MIB1: variants seen among roughly 807,000 people sequenced by gnomAD.
MIB1 encodes MIB E3 ubiquitin protein ligase 1.
MIB1 carries 278 observed loss-of-function variants against 124.5 expected under a neutral mutation model. That is an observed-to-expected ratio of 2.23 (90% confidence interval 2.02 to 2.47). The LOEUF (loss-of-function observed/expected upper bound fraction) is 2.47, where lower values mean the gene tolerates loss of function less well. MIB1 is among the 30% of genes most tolerant of loss of function. The probability of loss-of-function intolerance (pLI) is 0.00; values close to 1 mark genes in which losing one functional copy is unlikely to be tolerated. For synonymous variants in MIB1, 446 were observed against 429.4 expected, an observed-to-expected ratio of 1.04 and a Z score of -0.48; for missense variants, 957 against 1,254.4, an observed-to-expected ratio of 0.76 and a Z score of 3.58.
intron 18 of MIB1, among the ~76,000 whole-genome samples, chr18:21,856,236 C>CAAAAAA (rs5823315): frequency 5.7e-5 from 7 of 123,012 alleles, no homozygotes; most frequent in African/African-American, 1.9e-4. Flanking sequence ...GACTCCGTCT[C>CAAAAAA]AAAAAAAAAA....
At chr18:21,784,417 C>T (rs187667726) in intron 6 of MIB1, among the ~76,000 whole-genome samples, 322 of 152,240 alleles carry the variant, frequency 2.1e-3, no homozygotes, top group African/African-American at 7.4e-3. Context: ...TTACAAAAAA[C>T]ATCTTATATG....
chr18:21,791,561 A>G lies in MIB1; in HGVS notation c.1092+4A>G. On this transcript the variant is annotated splice_donor_region_variant and intron_variant, in intron 7 of 20. Coordinates refer to ENST00000261537, the MANE Select transcript of MIB1 (RefSeq NM_020774.4). ...ATGGGCTGAAGCGATGCTTCCAGTA[A>G]GTATGTTTAGAATAATTCTGGGCTA... 1.2e-6 allele frequency: 2 copies of G among 1,606,206 alleles called. No homozygotes were observed. The highest frequency in any genetic ancestry group is 1.7e-6 in the Non-Finnish European group (2 of 1,173,968).
At chr18:21,783,157 T>A (rs891251147) in intron 6 of MIB1, among the ~76,000 whole-genome samples, 2 of 152,056 alleles carry the variant, frequency 1.3e-5, no homozygotes, top group African/African-American at 4.8e-5. Flanking sequence ...TCTGCATGTG[T>A]CTTTATAGGT....
At chr18:21,738,790 A>G (rs202082229), upstream of MIB1, among the ~76,000 whole-genome samples, 5 of 100,174 alleles carry the variant, frequency 5.0e-5, no homozygotes, top group Non-Finnish European at 7.4e-5. Flanking sequence ...CTGGGCCACA[A>G]AGTGAGACTC....
At chr18:21,856,162 G>A (rs1384154703) in intron 18 of MIB1, among the ~76,000 whole-genome samples, 2 of 150,514 alleles carry the variant, frequency 1.3e-5, no homozygotes, top group East Asian at 2.0e-4. Context: ...CCCGGGAAGC[G>A]GAGCTTGCAG....
chr18:21,858,343 A>G (rs1159785715), intron 19 of MIB1, among the ~76,000 whole-genome samples: 1 of 152,198 alleles, frequency 6.6e-6, no homozygotes, highest in Non-Finnish European at 1.5e-5. Flanking sequence ...TTAATGTGCA[A>G]ACTGTTTCTT....
At chr18:21,818,642 A>C (rs2041851598) in intron 11 of MIB1, among the ~76,000 whole-genome samples, 1 of 152,026 alleles carries the variant, frequency 6.6e-6, no homozygotes, top group African/African-American at 2.4e-5. Flanking sequence ...CCATCTCTAC[A>C]AAAAAAGAAC....
rs576374050 is a variant in MIB1 at position 21,779,866 on chromosome 18, G to C, written c.908+181G>C. ...GAAACAAATGATAAGAATTACGTGT[G>C]TGTGTGTGTGTGTGTGTGTGTGTGT... On this transcript the variant is annotated intron_variant, in intron 6 of 20. Transcript: ENST00000261537. Among the ~76,000 whole-genome samples, 5 of 70,542 alleles carry C rather than the reference G, an allele frequency of 7.1e-5. No homozygotes were observed. In the East Asian group the frequency reaches 2.4e-3, roughly 33 times the overall value. The allele number at this position is 70,542 out of a possible 152,430, so 46.3% of individuals were successfully genotyped here. A position where few individuals can be genotyped will look rare whatever the true frequency, so the allele number is the denominator to read the frequency against.
intron 1 of MIB1, among the ~76,000 whole-genome samples, chr18:21,763,637 T>C (rs374804602): frequency 7.9e-5 from 12 of 152,334 alleles, no homozygotes; most frequent in African/African-American, 2.9e-4. Flanking sequence ...CAGTTTATTA[T>C]ACTGTTTAAT....
intron 1 of MIB1, among the ~76,000 whole-genome samples, chr18:21,755,749 CTTAT>C (rs1239772476): frequency 2.0e-5 from 3 of 152,134 alleles, no homozygotes; most frequent in African/African-American, 2.4e-5. Flanking sequence ...CTTTGGAATA[CTTAT>C]TTATTTATAT....
At chr18:21,737,581 G>A (rs562977580), upstream of MIB1, among the ~76,000 whole-genome samples, 2 of 152,218 alleles carry the variant, frequency 1.3e-5, no homozygotes, top group East Asian at 3.9e-4. Flanking sequence ...GACACACACT[G>A]GCAAATTGGA....
chr18:21,803,282 G>A (rs2041669304), intron 9 of MIB1, among the ~76,000 whole-genome samples: 1 of 152,148 alleles, frequency 6.6e-6, no homozygotes, highest in East Asian at 1.9e-4. Context: ...TGATTTTGTG[G>A]ATGGGATGTA....
rs1396638038 is a variant in MIB1, at chr18:21,867,004, G to A, written c.*2338G>A. On this transcript the variant is annotated 3_prime_UTR_variant, in exon 21 of 21. Transcript: ENST00000261537. Reference sequence around the variant, plus strand: ...ACCTCTTATTATATGTCCCTTAGCAGTACTTTTCCAGTTAGGTTCGTTACC... The same window carrying A: ...ACCTCTTATTATATGTCCCTTAGCAATACTTTTCCAGTTAGGTTCGTTACC... The A allele has an allele frequency of 1.3e-5, 2 of 152,546 alleles. No individual in the cohort carries two copies. The highest frequency in any genetic ancestry group is 2.9e-5 in the Non-Finnish European group (2 of 68,030). The allele number at this position is 152,546 out of a possible 1,614,324, so 9.4% of individuals were successfully genotyped here.
chr18:21,706,151 G>A (rs1414744904), intron 1 of MIB1, among the ~76,000 whole-genome samples: 4 of 152,028 alleles, frequency 2.6e-5, no homozygotes, highest in South Asian at 4.2e-4. Flanking sequence ...GCGAGATCTC[G>A]GGTCACTGCA....
At chr18:21,778,427 T>C (rs2146424475) in intron 5 of MIB1, among the ~76,000 whole-genome samples, 1 of 152,308 alleles carries the variant, frequency 6.6e-6, no homozygotes, top group South Asian at 2.1e-4. Context: ...AACTGCAAAT[T>C]ATATTGTTGA....
chr18:21,749,395 C>A (rs2040948020), intron 1 of MIB1, among the ~76,000 whole-genome samples: 1 of 152,038 alleles, frequency 6.6e-6, no homozygotes, highest in Admixed American at 6.5e-5. Context: ...TTTTGATAGA[C>A]ATTTATAGTG....
At position 21,846,670 on chromosome 18, in the gene MIB1, C is replaced by A. The variant is rs534616601; in HGVS notation, c.2212-274C>A. On this transcript the variant is annotated intron_variant, in intron 15 of 20. Transcript: ENST00000261537. ...ATTGACTTGATTTGTGTTATGTGTC[C>A]ATCCCGGTTCTAGCCATATAGGTAA... 2.6e-5 allele frequency among the ~76,000 whole-genome samples: 4 copies of A among 152,210 alleles called. No individual in the cohort carries two copies. The East Asian group carries it at 7.7e-4, about 29-fold the overall frequency.
chr18:21,708,476 A>C (rs550746999), intron 1 of MIB1, among the ~76,000 whole-genome samples: 1 of 152,304 alleles, frequency 6.6e-6, no homozygotes, highest in African/African-American at 2.4e-5. Context: ...CAACATCGTG[A>C]AACCGCATCT....
intron 12 of MIB1, among the ~76,000 whole-genome samples, chr18:21,820,646 T>C (rs2041870210): frequency 6.6e-6 from 1 of 152,210 alleles, no homozygotes; most frequent in Non-Finnish European, 1.5e-5. Context: ...GACAGTAGTA[T>C]TATATTTCCC....
Sources: allele counts gnomAD v4.1 joint callset (sites outside exome capture counted in the v4.1 genomes callset), GRCh38; gene constraint gnomAD v4.1.1; transcripts MANE v1.5; gene names NCBI Gene and HGNC (gene_info 2026-07-23, HGNC 2026-07-21).